ANKH: variants seen among roughly 807,000 people sequenced by gnomAD.
ANKH encodes mineralization regulator ANKH.
In ANKH, 15 loss-of-function variants were observed where a neutral mutation model predicts 49.0. The ratio of observed to expected loss-of-function variants is 0.31; its 90% CI spans 0.20 to 0.47. The LOEUF (loss-of-function observed/expected upper bound fraction) is 0.47. Ranked by LOEUF, ANKH falls within the 20% of genes least tolerant of loss-of-function variation. ANKH has a pLI of 1.00. For synonymous variants in ANKH, 273 were observed against 260.0 expected (o/e 1.05, Z -0.48); for missense variants, 429 against 652.0 (o/e 0.66, Z 3.72).
intron 1 of ANKH, among the ~76,000 whole-genome samples, chr5:14,793,007 A>AAAAG (rs796261030): frequency 1.3e-5 from 1 of 79,726 alleles, no homozygotes; most frequent in Non-Finnish European, 2.3e-5. Context: ...TATATATATA[A>AAAAG]ATATATATAT....
intron 1 of ANKH, among the ~76,000 whole-genome samples, chr5:14,817,304 C>T (rs1450569359): frequency 3.3e-5 from 5 of 151,382 alleles, no homozygotes; most frequent in Non-Finnish European, 5.9e-5. Flanking sequence ...GACGCTAAAA[C>T]GCCAGGAAAG....
intron 1 of ANKH, among the ~76,000 whole-genome samples, chr5:14,835,946 T>C (rs1283215116): frequency 6.6e-6 from 1 of 152,236 alleles, no homozygotes; most frequent in East Asian, 1.9e-4. Flanking sequence ...ATCCCTGGGA[T>C]GCAAGGCTGG....
chr5:14,752,787 A>G (rs1413411199), intron 4 of ANKH, among the ~76,000 whole-genome samples: 1 of 152,150 alleles, frequency 6.6e-6, no homozygotes, highest in East Asian at 1.9e-4. Flanking sequence ...GTTTAATGGC[A>G]GGAAAGTCAT....
chr5:14,783,850 A>C (rs1739889908), intron 1 of ANKH, among the ~76,000 whole-genome samples: 2 of 152,220 alleles, frequency 1.3e-5, no homozygotes, highest in Non-Finnish European at 2.9e-5. Context: ...AGGAGGTAGT[A>C]AGTGCCCATG....
At chr5:14,712,761 C>G (rs1026545019) in intron 11 of ANKH, 113 bp downstream of exon 11, 1 of 1,071,016 alleles carries the variant, frequency 9.3e-7, no homozygotes, top group Non-Finnish European at 1.4e-6. Flanking sequence ...GGCAGTGTCA[C>G]CAAGGATCCC....
At chr5:14,788,432 GA>G (rs569448567) in intron 1 of ANKH, among the ~76,000 whole-genome samples, 1 of 152,210 alleles carries the variant, frequency 6.6e-6, no homozygotes, top group South Asian at 2.1e-4. Flanking sequence ...GAATGTGCAT[GA>G]CGTGGTGGCC....
intron 1 of ANKH, among the ~76,000 whole-genome samples, chr5:14,823,033 C>CA (rs745381610): frequency 0.048 from 5,575 of 116,390 alleles, 249 homozygotes; most frequent in African/African-American, 0.14. Flanking sequence ...GACTCCGTCT[C>CA]AAAAAAAAAA....
At chr5:14,756,622 A>G (rs988054637) in intron 3 of ANKH, among the ~76,000 whole-genome samples, 4 of 152,236 alleles carry the variant, frequency 2.6e-5, no homozygotes, top group East Asian at 3.8e-4. Context: ...AGCAGGGTCT[A>G]TTCCCCAGGT....
intron 11 of ANKH, 55 bp downstream of exon 11, chr5:14,712,819 C>T: frequency 6.6e-7 from 1 of 1,524,898 alleles, no homozygotes; most frequent in Non-Finnish European, 8.9e-7. Flanking sequence ...TGCTCAGGTT[C>T]TCCTGCACCC....
In ANKH at chr5:14,769,113, T is replaced by G; in HGVS notation, c.175A>C (p.Met59Leu). Residue 59 changes from methionine to leucine, a missense_variant, in exon 2 of 12, where the codon ATG (methionine) becomes CTG (leucine). By Grantham distance (15) the Met-to-Leu change is conservative (BLOSUM62 2). Coordinates refer to ENST00000284268, the MANE Select transcript of ANKH (RefSeq NM_054027.6). ...LASYGLAYSL[M>L]KFFTGPMSDF... ...CTCATGGGACCCGTGAAGAACTTCATGAGGGAGTACGCCAGCCCGTAGCTG... is the reference window on the plus strand; with the variant it reads ...CTCATGGGACCCGTGAAGAACTTCAGGAGGGAGTACGCCAGCCCGTAGCTG... 6.2e-7 allele frequency: 1 copy of G among 1,614,068 alleles called. No homozygotes were observed. Among genetic ancestry groups the G allele is most frequent in the Non-Finnish European group, 8.5e-7 (1 of 1,180,026 alleles).
intron 8 of ANKH, among the ~76,000 whole-genome samples, chr5:14,721,334 G>A (rs1405861085): frequency 6.6e-6 from 1 of 152,210 alleles, no homozygotes; most frequent in African/African-American, 2.4e-5. Context: ...TGTGCCAACA[G>A]AGGTGCTTCT....
intron 1 of ANKH, among the ~76,000 whole-genome samples, chr5:14,842,529 C>G (rs1419645964): frequency 6.6e-6 from 1 of 152,176 alleles, no homozygotes; most frequent in Non-Finnish European, 1.5e-5. Context: ...CTATAGGACA[C>G]AGACTCTCTT....
intron 1 of ANKH, among the ~76,000 whole-genome samples, chr5:14,807,725 C>T (rs1436729700): frequency 6.6e-6 from 1 of 152,132 alleles, no homozygotes; most frequent in African/African-American, 2.4e-5. Flanking sequence ...CACAGGGCTA[C>T]AATCCCAACC....
intron 1 of ANKH, among the ~76,000 whole-genome samples, chr5:14,825,035 A>G (rs1741300506): frequency 6.6e-6 from 1 of 152,238 alleles, no homozygotes; most frequent in South Asian, 2.1e-4. Flanking sequence ...AACTGAAACA[A>G]AACAGTGTGG....
chr5:14,826,780 G>A (rs1273695905), intron 1 of ANKH, among the ~76,000 whole-genome samples: 2 of 152,146 alleles, frequency 1.3e-5, no homozygotes, highest in Non-Finnish European at 2.9e-5. Context: ...GCTTTAGAGT[G>A]AAACCATAAA....
Position 14,813,028 on chromosome 5 carries a change from G to A in ANKH, c.97-43837C>T, listed in dbSNP as rs142328040. Reference sequence around the variant, plus strand: ...GGTTAAGGTGGGAGGATCACTTGAAGCCAGACATTTGAGACCAGCCTGGGC... The same window carrying A: ...GGTTAAGGTGGGAGGATCACTTGAAACCAGACATTTGAGACCAGCCTGGGC... On this transcript the variant is annotated intron_variant, in intron 1 of 11. Transcript: ENST00000284268. Among the ~76,000 whole-genome samples the A allele has an allele frequency of 2.5e-3, 374 of 152,226 alleles. 2 individuals are homozygous for A. Among genetic ancestry groups the A allele is most frequent in the Middle Eastern group, 0.014 (4 of 294 alleles).
intron 1 of ANKH, among the ~76,000 whole-genome samples, chr5:14,781,588 C>T (rs73050611): frequency 0.012 from 1,769 of 152,286 alleles, 40 homozygotes; most frequent in African/African-American, 0.041. Context: ...TGAAAATATG[C>T]TCCATCATGA....
chr5:14,792,983 T>C (rs1370232861), intron 1 of ANKH, among the ~76,000 whole-genome samples: 3 of 109,516 alleles, frequency 2.7e-5, no homozygotes, highest in Non-Finnish European at 5.3e-5. Flanking sequence ...ATCATATATA[T>C]ATATAAAAAT....
intron 1 of ANKH, among the ~76,000 whole-genome samples, chr5:14,791,766 C>CCT (rs1319540213): frequency 6.6e-6 from 1 of 152,188 alleles, no homozygotes. Flanking sequence ...TCTACCCCAG[C>CCT]CTCTCCCTTG....
Sources: gnomAD v4.1 joint callset for allele counts (sites outside exome capture counted in the v4.1 genomes callset) on GRCh38, gnomAD v4.1.1 for gene constraint, MANE v1.5 for transcripts, NCBI Gene and HGNC (gene_info 2026-07-23, HGNC 2026-07-21) for gene names.